ZNF84: variants seen among roughly 807,000 people sequenced by gnomAD.
ZNF84 encodes the protein zinc finger protein 84.
In ZNF84, 12 loss-of-function variants were observed where a neutral mutation model predicts 14.8. The observed-to-expected ratio is 0.81, with a 90% CI of 0.52 to 1.31. The LOEUF is 1.31. Ranked by LOEUF, ZNF84 falls within the 50% of genes most tolerant of loss-of-function variation. ZNF84 has a pLI of 0.00. For synonymous variants in ZNF84, 347 were observed against 291.1 expected, an observed-to-expected ratio of 1.19 and a Z score of -1.96; for missense variants, 859 against 878.6, an observed-to-expected ratio of 0.98 and a Z score of 0.28.
intron 4 of ZNF84, among the ~76,000 whole-genome samples, chr12:133,056,294 C>G (rs968492613): frequency 3.3e-5 from 5 of 151,772 alleles, no homozygotes; most frequent in African/African-American, 1.2e-4. Flanking sequence ...TGCTCTGTTA[C>G]CCAGGCTGGA....
chr12:133,038,771 G>C (rs889743721), intron 1 of ZNF84: 4 of 152,006 alleles, frequency 2.6e-5, no homozygotes, highest in Non-Finnish European at 4.4e-5. Context: ...TTTTTAGTAT[G>C]CTTCATATGG....
intron 1 of ZNF84, chr12:133,040,483 GGATCCCTTGA>G (rs1953867800): frequency 6.6e-6 from 1 of 151,324 alleles, no homozygotes; most frequent in Non-Finnish European, 1.5e-5. Context: ...TGAGGCAGGA[GGATCCCTTGA>G]GCCTGGAGTT....
At position 133,057,316 on chromosome 12, in the gene ZNF84, C is replaced by A; in HGVS notation, c.601C>A (p.Arg201Ser). Residue 201 changes from arginine (R) to serine (S), a missense_variant, in exon 5 of 5, where the codon CGT becomes AGT. Coordinates refer to ENST00000539354, the MANE Select transcript of ZNF84 (RefSeq NM_001289971.2). ...ACAGATTATCATATATCATAGAAAT[C>A]GTTTAGGGGAGAAACTCTATGAATG... is the stretch of plus-strand genomic sequence containing the variant. ...KSQIIIYHRNRLGEKLYECSE... is the reference protein window; with the variant it reads ...KSQIIIYHRNSLGEKLYECSE... 6.2e-7 allele frequency: 1 copy of A among 1,612,832 alleles called. No homozygotes were observed. The highest frequency in any genetic ancestry group is 8.5e-7 in the Non-Finnish European group (1 of 1,179,742).
Position 133,059,008 on chromosome 12 carries a change from G to C in ZNF84, c.*76G>C. ...GCAATTATGATAACGTTTGTAGACA[G>C]TCACGTCATGTTAGGTGTTTGTACT... On this transcript the variant is annotated 3_prime_UTR_variant, in exon 5 of 5. Coordinates refer to ENST00000539354, the MANE Select transcript of ZNF84 (RefSeq NM_001289971.2). 1.4e-6 allele frequency: 2 copies of C among 1,393,250 alleles called. No homozygotes were observed. Among genetic ancestry groups the C allele is most frequent in the Non-Finnish European group, 1.9e-6 (2 of 1,031,934 alleles). 86.3% of individuals were successfully genotyped at this position (1,393,250 alleles called of 1,614,324 possible).
In ZNF84 at chr12:133,041,386, CCA is replaced by C. The variant is rs1259317079; in HGVS notation, c.-79_-78del. 6.9e-7 allele frequency: 1 copy of C among 1,444,818 alleles called. No individual in the cohort carries two copies. Among genetic ancestry groups the C allele is most frequent in the Non-Finnish European group, 9.7e-7 (1 of 1,028,578 alleles). The allele number at this position is 1,444,818 out of a possible 1,614,324, so 89.5% of individuals were successfully genotyped here. ...TAGAAGACCTAGCTGAGACCTCACT[CCA>C]CAGTTTTGGGGCAGAAGCAGAAGAG... On this transcript the variant is annotated 5_prime_UTR_variant, in exon 2 of 5. Transcript: ENST00000539354.
intron 4 of ZNF84, among the ~76,000 whole-genome samples, chr12:133,054,321 G>T (rs1954115360): frequency 6.6e-6 from 1 of 152,080 alleles, no homozygotes; most frequent in Admixed American, 6.6e-5. Context: ...GGAGCCTGGG[G>T]GGTTGAGGCT....
At chr12:133,056,217 T>C (rs1357662160) in intron 4 of ZNF84, among the ~76,000 whole-genome samples, 1 of 152,202 alleles carries the variant, frequency 6.6e-6, no homozygotes, top group Non-Finnish European at 1.5e-5. Context: ...TCCATTACAA[T>C]ATAAATTTTA....
chr12:133,039,600 T>G (rs1953849937), intron 1 of ZNF84, among the ~76,000 whole-genome samples: 1 of 152,240 alleles, frequency 6.6e-6, no homozygotes, highest in Non-Finnish European at 1.5e-5. Flanking sequence ...TTTAAAATGC[T>G]TAGTATATTG....
chr12:133,042,173 A>G (rs1258006930), intron 2 of ZNF84, among the ~76,000 whole-genome samples: 1 of 152,184 alleles, frequency 6.6e-6, no homozygotes, highest in East Asian at 1.9e-4. Flanking sequence ...CAGTGCTTGT[A>G]TTTTAGTAGC....
Position 133,062,856 on chromosome 12 carries a change from G to A in ZNF84, c.*3924G>A, listed in dbSNP as rs2137447184. ...CTGTGAACAACTTGTAGTTCCTTGAGATTTCTATTATCACTTATGTTTTTG... is the reference window on the plus strand; with the variant it reads ...CTGTGAACAACTTGTAGTTCCTTGAAATTTCTATTATCACTTATGTTTTTG... On this transcript the variant is annotated 3_prime_UTR_variant, in exon 5 of 5. Transcript: ENST00000539354. 1 of 509,088 alleles carries A rather than the reference G, an allele frequency of 2.0e-6. No homozygotes were observed. The highest frequency in any genetic ancestry group is 3.0e-5 in the East Asian group (1 of 33,224). 31.5% of individuals were successfully genotyped at this position (509,088 alleles called of 1,614,324 possible). A position where few individuals can be genotyped will look rare whatever the true frequency, so the allele number is the denominator to read the frequency against.
At chr12:133,041,545 G>T in intron 2 of ZNF84, 63 bp downstream of exon 2, 1 of 1,542,904 alleles carries the variant, frequency 6.5e-7, no homozygotes, top group East Asian at 2.2e-5. Flanking sequence ...TAAGCCTTCC[G>T]GTGAAAAAGA....
intron 1 of ZNF84, among the ~76,000 whole-genome samples, chr12:133,039,752 T>C (rs2137318047): frequency 6.6e-6 from 1 of 151,838 alleles, no homozygotes; most frequent in East Asian, 2.0e-4. Flanking sequence ...AGTACAGAAA[T>C]TGAGGCTTTG....
chr12:133,055,479 A>G (rs1296655541), intron 4 of ZNF84, among the ~76,000 whole-genome samples: 61 of 152,290 alleles, frequency 4.0e-4, no homozygotes, highest in African/African-American at 1.4e-3. Context: ...TTCATCTGTT[A>G]GCCAGTAATA....
chr12:133,063,223 G>A lies in ZNF84; in HGVS notation c.*4291G>A, dbSNP rs563814449. ...GGTCTTCATGTTCAGGTCCACCTCT[G>A]CCCTTTTCATGTCTTGATTGTTGAA... On this transcript the variant is annotated 3_prime_UTR_variant, in exon 5 of 5. Transcript: ENST00000539354. 62 of 702,338 alleles carry A rather than the reference G, an allele frequency of 8.8e-5. No individual in the cohort carries two copies. Among genetic ancestry groups the A allele is most frequent in the South Asian group, 8.7e-4 (59 of 67,588 alleles). 43.5% of individuals were successfully genotyped at this position (702,338 alleles called of 1,614,324 possible).
At chr12:133,050,713 A>G (rs1237669572) in intron 4 of ZNF84, 1 of 395,038 alleles carries the variant, frequency 2.5e-6, no homozygotes. Flanking sequence ...CACTGCATTC[A>G]TATTTATGAA....
chr12:133,040,121 C>T (rs941193363), intron 1 of ZNF84, among the ~76,000 whole-genome samples: 2 of 151,808 alleles, frequency 1.3e-5, no homozygotes, highest in Non-Finnish European at 2.9e-5. Flanking sequence ...GAATTACAGG[C>T]GTAAGCCATC....
intron 1 of ZNF84, among the ~76,000 whole-genome samples, chr12:133,039,257 AAAAG>A (rs1383556670): frequency 1.3e-5 from 2 of 152,206 alleles, no homozygotes; most frequent in Non-Finnish European, 2.9e-5. Context: ...AAAGGCATGA[AAAAG>A]AAAGTGCTGC....
chr12:133,052,107 T>C (rs1408183321), intron 4 of ZNF84, among the ~76,000 whole-genome samples: 1 of 152,156 alleles, frequency 6.6e-6, no homozygotes, highest in Non-Finnish European at 1.5e-5. Context: ...GAGAATGGGT[T>C]AGTCTGCTCA....
Position 133,041,494 on chromosome 12 carries a change from G to A in ZNF84, c.15+12G>A. Reference sequence around the variant, plus strand: ...TGACCATGTTACAGGTGAGTTGATTGTTGAGTTCTTATTTTTTCCCAGGGA... The same window carrying A: ...TGACCATGTTACAGGTGAGTTGATTATTGAGTTCTTATTTTTTCCCAGGGA... On this transcript the variant is annotated intron_variant, in intron 2 of 4. Coordinates refer to ENST00000539354, the MANE Select transcript of ZNF84 (RefSeq NM_001289971.2). 1 of 1,613,900 alleles carries A rather than the reference G, an allele frequency of 6.2e-7. No individual in the cohort carries two copies. The highest frequency in any genetic ancestry group is 8.5e-7 in the Non-Finnish European group (1 of 1,179,792).
Sources: gnomAD v4.1 joint callset for allele counts (sites outside exome capture counted in the v4.1 genomes callset) on GRCh38, gnomAD v4.1.1 for gene constraint, MANE v1.5 for transcripts, NCBI Gene and HGNC (gene_info 2026-07-23, HGNC 2026-07-21) for gene names.